The following NELL2 variants were observed in gnomAD, a reference collection of about 807,000 sequenced individuals.
NELL2 encodes neural EGFL like 2, also known as protein kinase C-binding protein NELL2.
A neutral mutation model predicts 109.6 loss-of-function variants in NELL2; 41 were observed. That is an observed-to-expected ratio of 0.37 (90% confidence interval 0.29 to 0.49). The LOEUF (loss-of-function observed/expected upper bound fraction) is 0.49. NELL2 is among the 20% of genes least tolerant of loss of function. NELL2 has a pLI of 0.98. For synonymous variants in NELL2, 355 were observed against 344.7 expected (o/e 1.03, Z -0.33); for missense variants, 900 against 1,008.3 (o/e 0.89, Z 1.45).
chr12:44,894,087 T>C (rs1476632441), intron 1 of NELL2, among the ~76,000 whole-genome samples: 1 of 152,184 alleles, frequency 6.6e-6, no homozygotes, highest in Non-Finnish European at 1.5e-5. Context: ...AAGTTTGTAT[T>C]TAGGAGATTA....
chr12:44,706,199 C>T lies in NELL2; in HGVS notation c.1190-2345G>A, dbSNP rs542470901. On this transcript the variant is annotated intron_variant, in intron 11 of 19. Coordinates refer to ENST00000429094, the MANE Select transcript of NELL2 (RefSeq NM_001145108.2). Reference sequence around the variant, plus strand: ...AGATGGGTTTTTTTAAACACAAATACTTGAAAAATTAAAATTTCAGTCATT... The same window carrying T: ...AGATGGGTTTTTTTAAACACAAATATTTGAAAAATTAAAATTTCAGTCATT... Among the ~76,000 whole-genome samples, 11 of 152,214 alleles carry T rather than the reference C, an allele frequency of 7.2e-5. No individual in the cohort carries two copies. In the East Asian group the frequency reaches 2.1e-3, roughly 29 times the overall value.
At chr12:44,813,623 G>T (rs558233136) in intron 3 of NELL2, among the ~76,000 whole-genome samples, 6 of 152,072 alleles carry the variant, frequency 3.9e-5, no homozygotes, top group African/African-American at 1.4e-4. Flanking sequence ...AAAGTAAGGG[G>T]TTGATTAAAC....
chr12:44,555,310 A>G lies in NELL2; in HGVS notation c.1664-22589T>C, dbSNP rs115643775. Among the ~76,000 whole-genome samples, 546 of 152,286 alleles carry G rather than the reference A, an allele frequency of 3.6e-3. 3 individuals carry two copies. Among genetic ancestry groups the G allele is most frequent in the Middle Eastern group, 0.031 (9 of 294 alleles). ...CTTACAGGTTCATTATGCATCTCCT[A>G]AAATAAGTAACTGGTTTTATAGCTA... On this transcript the variant is annotated intron_variant, in intron 15 of 19. Transcript: ENST00000429094.
At chr12:44,848,669 G>A (rs893376582) in intron 2 of NELL2, among the ~76,000 whole-genome samples, 1 of 149,338 alleles carries the variant, frequency 6.7e-6, no homozygotes, top group African/African-American at 2.4e-5. Flanking sequence ...CTTTATAAAA[G>A]AGAGAGAGAG....
intron 13 of NELL2, among the ~76,000 whole-genome samples, chr12:44,648,900 T>TTGCG (rs1555191821): frequency 9.3e-6 from 1 of 107,148 alleles, no homozygotes; most frequent in Non-Finnish European, 1.8e-5. Context: ...CACGCCCAGC[T>TTGCG]TGTGTGTGTG....
chr12:44,897,203 G>A (rs753285496), intron 1 of NELL2, among the ~76,000 whole-genome samples: 4 of 152,032 alleles, frequency 2.6e-5, no homozygotes, highest in Non-Finnish European at 2.9e-5. Context: ...AGAACACAAC[G>A]CAGAAACTGA....
intron 2 of NELL2, among the ~76,000 whole-genome samples, chr12:44,867,569 G>T (rs1437549173): frequency 6.6e-6 from 1 of 152,104 alleles, no homozygotes; most frequent in Non-Finnish European, 1.5e-5. Flanking sequence ...TAAGGAAAAA[G>T]ACAAGGATGC....
chr12:44,670,000 G>A (rs567755043), intron 12 of NELL2, among the ~76,000 whole-genome samples: 3 of 152,250 alleles, frequency 2.0e-5, no homozygotes, highest in African/African-American at 7.2e-5. Flanking sequence ...AAAGCATCAA[G>A]TCACATATAA....
intron 15 of NELL2, among the ~76,000 whole-genome samples, chr12:44,546,248 T>G (rs576505304): frequency 6.6e-6 from 1 of 152,270 alleles, no homozygotes; most frequent in East Asian, 1.9e-4. Context: ...TACTACAGTT[T>G]TCATATATCT....
At position 44,776,024 on chromosome 12, in the gene NELL2, G is replaced by C. The variant is rs1941743623; in HGVS notation, c.889C>G (p.Leu297Val). The C allele has an allele frequency of 3.1e-6, 5 of 1,612,940 alleles. No individual in the cohort carries two copies. The highest frequency in any genetic ancestry group is 2.2e-5 in the South Asian group (2 of 91,004). ...CTCAACTCAAATAGAAGCCATACCA[G>C]GCATGTGCAGTTCTTACAGCCGTCT... is the stretch of plus-strand genomic sequence containing the variant. ...WIDGCKNCTC[L>V]NGTIQCETLI... The change falls in exon 8 of 20, where the codon CTG becomes GTG. Residue 297 changes from leucine (L) to valine (V), a missense_variant and splice_region_variant. Leu to Val is a conservative substitution (Grantham distance 32, BLOSUM62 1). Around this residue, in one of 4 missense-constraint regions of NELL2, gnomAD observed 292 missense variants for 265.3 expected, o/e 1.10. Transcript: ENST00000429094.
chr12:44,572,760 T>G (rs1943922905), intron 15 of NELL2, among the ~76,000 whole-genome samples: 1 of 152,180 alleles, frequency 6.6e-6, no homozygotes, highest in Non-Finnish European at 1.5e-5. Flanking sequence ...TAAATGAGTA[T>G]GATGCAATGG....
chr12:44,560,612 C>T (rs1391562746), intron 15 of NELL2, among the ~76,000 whole-genome samples: 1 of 152,074 alleles, frequency 6.6e-6, no homozygotes, highest in East Asian at 1.9e-4. Flanking sequence ...AACATACACC[C>T]TCCCAAGGCT....
upstream of NELL2, chr12:44,914,109 A>G: frequency 5.5e-6 from 1 of 181,648 alleles, no homozygotes. Context: ...CATTCCCTTC[A>G]GTCTATCCTC....
At chr12:44,725,451 T>C (rs190905450) in intron 9 of NELL2, among the ~76,000 whole-genome samples, 82 of 152,198 alleles carry the variant, frequency 5.4e-4, no homozygotes, top group African/African-American at 1.9e-3. Context: ...TGGTGATTCC[T>C]CAAAAAAACT....
At chr12:44,911,873 CCT>C (rs1050587078) in intron 1 of NELL2, among the ~76,000 whole-genome samples, 6 of 151,672 alleles carry the variant, frequency 4.0e-5, no homozygotes, top group South Asian at 2.1e-4. Context: ...TAAACTGCCC[CCT>C]GAGTTAATGG....
chr12:44,902,481 A>G (rs766534141), intron 1 of NELL2, among the ~76,000 whole-genome samples: 34 of 152,194 alleles, frequency 2.2e-4, no homozygotes, highest in Non-Finnish European at 7.4e-5. Context: ...CGCTGCCCAA[A>G]GTAATGTATA....
chr12:44,711,174 G>A (rs1429986087), intron 11 of NELL2, 118 bp downstream of exon 11: 1 of 707,620 alleles, frequency 1.4e-6, no homozygotes, highest in Non-Finnish European at 2.4e-6. Context: ...GAGCATATAG[G>A]GAAATACTAT....
In NELL2 at chr12:44,600,127, AATTTATTTATTT is replaced by A. The variant is rs57168113; in HGVS notation, c.1663+7030_1663+7041del. 8.8e-3 allele frequency among the ~76,000 whole-genome samples: 1,169 copies of A among 132,202 alleles called. 12 individuals carry two copies. The highest frequency in any genetic ancestry group is 0.024 in the African/African-American group (817 of 34,556). The allele number at this position is 132,202 out of a possible 152,430, so 86.7% of individuals were successfully genotyped here. ...CAGGCGCCCGCCAGCACGCCCGGCT[AATTTATTTATTT>A]ATTTATTTATTTATTTATTTATTTA... is the stretch of plus-strand genomic sequence containing the variant. On this transcript the variant is annotated intron_variant, in intron 15 of 19. Transcript: ENST00000429094.
chr12:44,825,429 C>T lies in NELL2; in HGVS notation c.185-9293G>A, dbSNP rs1943680566. 2.7e-5 allele frequency among the ~76,000 whole-genome samples: 3 copies of T among 110,508 alleles called. No homozygotes were observed. In the South Asian group the frequency reaches 8.9e-4, roughly 33 times the overall value. 72.5% of individuals were successfully genotyped at this position (110,508 alleles called of 152,430 possible). A position where few individuals can be genotyped will look rare whatever the true frequency, so the allele number is the denominator to read the frequency against. On this transcript the variant is annotated intron_variant, in intron 2 of 19. Transcript: ENST00000429094. ...TTTTTTTTTTTGAGACAGAGTCTTGCTCTGTCACCAGGCTGGAGTGCAGTG... is the reference window on the plus strand; with the variant it reads ...TTTTTTTTTTTGAGACAGAGTCTTGTTCTGTCACCAGGCTGGAGTGCAGTG...
Sources: gnomAD v4.1 joint callset for allele counts (sites outside exome capture counted in the v4.1 genomes callset) on GRCh38, gnomAD v4.1.1 for gene constraint, gnomAD v4.1.1 regional missense constraint, MANE v1.5 for transcripts, NCBI Gene and HGNC (gene_info 2026-07-23, HGNC 2026-07-21) for gene names.